RAP1GAP2: variants seen among roughly 807,000 people sequenced by gnomAD.
The protein encoded by RAP1GAP2 is rap1 GTPase-activating protein 2.
Under a neutral mutation model 95.0 loss-of-function variants are expected in RAP1GAP2, and 27 were observed. The observed-to-expected ratio is 0.28, with a 90% CI of 0.21 to 0.39. The LOEUF is 0.39. RAP1GAP2 is among the 10% of genes least tolerant of loss of function. The probability of loss-of-function intolerance (pLI) is 1.00; values close to 1 mark genes in which losing one functional copy is unlikely to be tolerated. For missense variants in RAP1GAP2, 771 were observed against 970.0 expected (o/e 0.79, Z 2.72); for synonymous variants, 373 against 380.9 (o/e 0.98, Z 0.24).
At chr17:2,801,597 A>ATGTGTGTGTGTGTGTGTGTG (rs71150898) in intron 2 of RAP1GAP2, among the ~76,000 whole-genome samples, 1 of 121,878 alleles carries the variant, frequency 8.2e-6, no homozygotes, top group Non-Finnish European at 1.7e-5. Context: ...ACTCCAGGGT[A>ATGTGTGTGTGTGTGTGTGTG]TGTGTGTGTG....
intron 2 of RAP1GAP2, among the ~76,000 whole-genome samples, chr17:2,810,429 T>C (rs2069714075): frequency 6.6e-6 from 1 of 151,790 alleles, no homozygotes; most frequent in African/African-American, 2.4e-5. Context: ...GTTACATATG[T>C]ATACATGTGC....
At chr17:2,826,903 G>T (rs2070591592) in intron 2 of RAP1GAP2, among the ~76,000 whole-genome samples, 1 of 152,182 alleles carries the variant, frequency 6.6e-6, no homozygotes, top group African/African-American at 2.4e-5. Context: ...CTACTTGGGA[G>T]GCTGAGACAA....
At chr17:2,928,215 G>A (rs971669623) in intron 3 of RAP1GAP2, among the ~76,000 whole-genome samples, 5 of 152,168 alleles carry the variant, frequency 3.3e-5, no homozygotes, top group Admixed American at 1.3e-4. Context: ...TTCACACATC[G>A]CCGCCTTCCT....
At chr17:2,912,058 C>A (rs1260998328) in intron 3 of RAP1GAP2, among the ~76,000 whole-genome samples, 1 of 152,226 alleles carries the variant, frequency 6.6e-6, no homozygotes, top group Non-Finnish European at 1.5e-5. Context: ...ACTGCAGGGA[C>A]CAGCAGAACG....
chr17:2,826,274 C>T (rs1466406855), intron 2 of RAP1GAP2, among the ~76,000 whole-genome samples: 4 of 149,146 alleles, frequency 2.7e-5, no homozygotes, highest in Admixed American at 1.4e-4. Context: ...GGATTACAGG[C>T]GTGAGCCACC....
chr17:2,786,807 G>A (rs888976711), intron 1 of RAP1GAP2, among the ~76,000 whole-genome samples: 33 of 151,644 alleles, frequency 2.2e-4, no homozygotes, highest in African/African-American at 7.7e-4. Flanking sequence ...CACCATGCCC[G>A]GCTAATTTTT....
chr17:2,975,690 G>T (rs1308747249), intron 8 of RAP1GAP2, among the ~76,000 whole-genome samples: 1 of 152,216 alleles, frequency 6.6e-6, no homozygotes, highest in Non-Finnish European at 1.5e-5. Context: ...CTGCCCTGAG[G>T]GTGGTCTCCT....
At chr17:2,933,719 A>T (rs1321641382) in intron 3 of RAP1GAP2, among the ~76,000 whole-genome samples, 3 of 152,218 alleles carry the variant, frequency 2.0e-5, no homozygotes, top group Non-Finnish European at 4.4e-5. Flanking sequence ...GGACCTGGCA[A>T]GGTTAGTCTT....
chr17:2,969,606 A>G (rs1023023264), intron 8 of RAP1GAP2, among the ~76,000 whole-genome samples: 2 of 147,926 alleles, frequency 1.4e-5, no homozygotes, highest in African/African-American at 5.0e-5. Flanking sequence ...GGTTCAAGCA[A>G]TTGTCCTGCC....
intron 1 of RAP1GAP2, among the ~76,000 whole-genome samples, chr17:2,786,524 CG>C (rs537404039): frequency 9.8e-5 from 15 of 152,306 alleles, no homozygotes; most frequent in Admixed American, 7.2e-4. Context: ...CAGGGGAGGG[CG>C]GGAGTGACCC....
At chr17:2,817,346 A>G (rs1192404663) in intron 2 of RAP1GAP2, among the ~76,000 whole-genome samples, 1 of 120,442 alleles carries the variant, frequency 8.3e-6, no homozygotes, top group Non-Finnish European at 2.0e-5. Flanking sequence ...TGCATGTATC[A>G]CATTTTGTTT....
At chr17:2,756,955 T>C (rs142133961) in intron 1 of RAP1GAP2, among the ~76,000 whole-genome samples, 113 of 152,282 alleles carry the variant, frequency 7.4e-4, no homozygotes, top group African/African-American at 2.6e-3. Context: ...TCCTGGATGG[T>C]TCCACCCAGC....
chr17:2,966,808 AT>A (rs2044618987), intron 8 of RAP1GAP2, among the ~76,000 whole-genome samples: 3 of 152,196 alleles, frequency 2.0e-5, no homozygotes. Context: ...TGTGAAGAAA[AT>A]TGCTACCTTA....
rs146607376 is a variant in RAP1GAP2 at position 2,827,497 on chromosome 17, A to T, written c.80+26947A>T. On this transcript the variant is annotated intron_variant, in intron 2 of 24. Transcript: ENST00000254695. The surrounding 1 kb of genome is among the most constrained non-coding windows in gnomAD (Gnocchi z 4.1). ...GGGCTACCCTGGGTGGGTGGTCAGGAAGAGCCTCTCCATAGAAGGGACATT... is the reference window on the plus strand; with the variant it reads ...GGGCTACCCTGGGTGGGTGGTCAGGTAGAGCCTCTCCATAGAAGGGACATT... 4.9e-3 allele frequency among the ~76,000 whole-genome samples: 751 copies of T among 152,206 alleles called. 8 individuals carry two copies. Among genetic ancestry groups the T allele is most frequent in the African/African-American group, 0.017 (698 of 41,538 alleles).
chr17:2,971,300 T>C (rs2044858211), intron 8 of RAP1GAP2, among the ~76,000 whole-genome samples: 1 of 152,206 alleles, frequency 6.6e-6, no homozygotes, highest in South Asian at 2.1e-4. Context: ...AAGTAGCTTT[T>C]AGGCCAAAGG....
At position 2,983,692 on chromosome 17, in the gene RAP1GAP2, G is replaced by A. The variant is rs545376433; in HGVS notation, c.730-1291G>A. Among the ~76,000 whole-genome samples, 11 of 152,218 alleles carry A rather than the reference G, an allele frequency of 7.2e-5. No homozygotes were observed. The East Asian group carries it at 7.7e-4, about 11-fold the overall frequency. On this transcript the variant is annotated intron_variant, in intron 10 of 24. Transcript: ENST00000254695. ...TTTTTTCCTAGACCAACTGTAAGAC[G>A]ATCCATTACTATTCCTTGTACAGGT...
At chr17:2,934,332 A>G (rs2043240821) in intron 3 of RAP1GAP2, among the ~76,000 whole-genome samples, 1 of 152,164 alleles carries the variant, frequency 6.6e-6, no homozygotes, top group Admixed American at 6.5e-5. Context: ...GGGTTTCACC[A>G]TGTTGACCAG....
chr17:2,952,990 G>C (rs1253228994), intron 3 of RAP1GAP2, among the ~76,000 whole-genome samples: 1 of 151,782 alleles, frequency 6.6e-6, no homozygotes, highest in Non-Finnish European at 1.5e-5. Context: ...ATTTTTAGTA[G>C]AGACAGGGTT....
chr17:2,760,586 C>T (rs939304308), intron 1 of RAP1GAP2, among the ~76,000 whole-genome samples: 2 of 151,130 alleles, frequency 1.3e-5, no homozygotes, highest in Non-Finnish European at 3.0e-5. Context: ...GGTGATCCAT[C>T]GACCTTGGCC....
Sources: allele counts gnomAD v4.1 joint callset (sites outside exome capture counted in the v4.1 genomes callset), GRCh38; gene constraint gnomAD v4.1.1; non-coding constraint Gnocchi (gnomAD v3.1); transcripts MANE v1.5; gene names NCBI Gene and HGNC (gene_info 2026-07-23, HGNC 2026-07-21).